Variants in ST6GALNAC2 observed in about 807,000 individuals in gnomAD.
ST6GALNAC2 encodes ST6 N-acetylgalactosaminide alpha-2,6-sialyltransferase 2.
ST6GALNAC2 carries 42 observed loss-of-function variants against 38.7 expected under a neutral mutation model. The observed-to-expected ratio is 1.09, with a 90% confidence interval of 0.85 to 1.40. The LOEUF (loss-of-function observed/expected upper bound fraction) is 1.40. Ranked by LOEUF, ST6GALNAC2 falls within the 40% of genes most tolerant of loss-of-function variation. The pLI is 0.00. For missense variants in ST6GALNAC2, 506 were observed against 481.7 expected, an observed-to-expected ratio of 1.05 and a Z score of -0.47; for synonymous variants, 233 against 209.0, an observed-to-expected ratio of 1.11 and a Z score of -0.99.
intron 6 of ST6GALNAC2, chr17:76,569,079 G>T (rs2075321720): frequency 2.8e-5 from 5 of 177,798 alleles, no homozygotes; most frequent in Non-Finnish European, 5.0e-5. Context: ...TAAACTGGGG[G>T]TGGTGGGGGG....
At position 76,585,394 on chromosome 17, in the gene ST6GALNAC2, G is replaced by C. The variant is rs566016928; in HGVS notation, c.125+290C>G. ...CAATAGAAAGTGTACTTATCAGGCCGGGGAGGACTTCACCAACAAGGGGCA... is the reference window on the plus strand; with the variant it reads ...CAATAGAAAGTGTACTTATCAGGCCCGGGAGGACTTCACCAACAAGGGGCA... On this transcript the variant is annotated intron_variant, in intron 1 of 8. Coordinates refer to ENST00000225276, the MANE Select transcript of ST6GALNAC2 (RefSeq NM_006456.3). Among the ~76,000 whole-genome samples the C allele has an allele frequency of 2.0e-5, 3 of 152,368 alleles. No homozygotes were observed. The East Asian group carries it at 5.8e-4, about 29-fold the overall frequency.
At chr17:76,584,594 C>G (rs2075521322) in intron 1 of ST6GALNAC2, among the ~76,000 whole-genome samples, 1 of 152,106 alleles carries the variant, frequency 6.6e-6, no homozygotes, top group African/African-American at 2.4e-5. Flanking sequence ...CTCCCACCTC[C>G]GCCTCCCAGA....
chr17:76,574,714 T>G (rs1163906999), intron 2 of ST6GALNAC2, among the ~76,000 whole-genome samples, 175 bp from the exon 3 acceptor site: 37 of 151,622 alleles, frequency 2.4e-4, no homozygotes, highest in Non-Finnish European at 4.4e-5. Context: ...TCTCGCTCTG[T>G]CGCCCAGGCT....
In ST6GALNAC2 at chr17:76,573,159, T is replaced by TACCACCCC; in HGVS notation, c.530+35_530+36insGGGGTGGT. The TACCACCCC allele has an allele frequency of 6.5e-7, 1 of 1,530,322 alleles. No individual in the cohort carries two copies. The highest frequency in any genetic ancestry group is 8.9e-7 in the Non-Finnish European group (1 of 1,120,830). 94.8% of individuals were successfully genotyped at this position (1,530,322 alleles called of 1,614,324 possible). ...GACACCCCCACCCTCCAGGCAACTC[T>TACCACCCC]CCCTCCCGCCCCTCCCCAGCTCCTA... On this transcript the variant is annotated intron_variant, in intron 4 of 8. Transcript: ENST00000225276. This position sits in a 1 kb window ranked among gnomAD's most constrained non-coding sequence, Gnocchi z 5.1.
At chr17:76,572,477 C>T (rs937447030) in intron 5 of ST6GALNAC2, among the ~76,000 whole-genome samples, 160 bp downstream of exon 5, 7 of 152,160 alleles carry the variant, frequency 4.6e-5, no homozygotes, top group African/African-American at 1.7e-4. Flanking sequence ...GGGACCAGAT[C>T]CCCCCTCACC....
Position 76,574,412 on chromosome 17 carries a change from A to C in ST6GALNAC2, c.314T>G (p.Leu105Arg). 1 of 1,613,842 alleles carries C rather than the reference A, an allele frequency of 6.2e-7. No homozygotes were observed. The highest frequency in any genetic ancestry group is 8.5e-7 in the Non-Finnish European group (1 of 1,179,934). ...DLFTPALWDR[L>R]SQHKAPYGWR... ...GCCATACGGGGCTTTGTGTTGGCTC[A>C]GGCGGTCCCAGAGCGCTGGGGTGAA... is the stretch of plus-strand genomic sequence containing the variant. The change falls in exon 3 of 9, where the codon CTG becomes CGG. Residue 105 changes from leucine to arginine, a missense_variant. Physicochemically the swap from Leu to Arg is moderately radical, Grantham distance 102. Transcript: ENST00000225276.
At position 76,573,208 on chromosome 17, in the gene ST6GALNAC2, C is replaced by A; in HGVS notation, c.517G>T (p.Asp173Tyr). ...TACCCCTCATACCTGAATACATAGT[C>A]ATGGGCATCGATGTTGGGACCCTGG... ...SRQGPNIDAHDYVFRLNGAVI... is the reference protein window; with the variant it reads ...SRQGPNIDAHYYVFRLNGAVI... Residue 173 changes from aspartate to tyrosine, a missense_variant, in exon 4 of 9, where the codon GAC (aspartate) becomes TAC (tyrosine). By Grantham distance (160) the Asp-to-Tyr change is radical. Transcript: ENST00000225276. The surrounding 1 kb of genome is among the most constrained non-coding windows in gnomAD (Gnocchi z 5.1). The A allele has an allele frequency of 6.2e-7, 1 of 1,610,930 alleles. No homozygotes were observed. Among genetic ancestry groups the A allele is most frequent in the Admixed American group, 1.7e-5 (1 of 59,834 alleles).
Position 76,573,159 on chromosome 17 carries a change from T to TGCCAACCC in ST6GALNAC2, c.530+35_530+36insGGGTTGGC. On this transcript the variant is annotated intron_variant, in intron 4 of 8. Transcript: ENST00000225276. The surrounding 1 kb of genome is among the most constrained non-coding windows in gnomAD (Gnocchi z 5.1). ...GACACCCCCACCCTCCAGGCAACTC[T>TGCCAACCC]CCCTCCCGCCCCTCCCCAGCTCCTA... 1.3e-6 allele frequency: 2 copies of TGCCAACCC among 1,530,320 alleles called. No homozygotes were observed. Among genetic ancestry groups the TGCCAACCC allele is most frequent in the Non-Finnish European group, 8.9e-7 (1 of 1,120,828 alleles). 94.8% of individuals were successfully genotyped at this position (1,530,320 alleles called of 1,614,324 possible).
At chr17:76,585,315 T>A (rs1366560921) in intron 1 of ST6GALNAC2, among the ~76,000 whole-genome samples, 7 of 151,940 alleles carry the variant, frequency 4.6e-5, no homozygotes, top group African/African-American at 1.7e-4. Flanking sequence ...CGAGGGAGAG[T>A]TCCCGACAAA....
At position 76,572,620 on chromosome 17, in the gene ST6GALNAC2, C is replaced by T. The variant is rs751228883; in HGVS notation, c.669+17G>A. The T allele has an allele frequency of 1.2e-6, 2 of 1,613,624 alleles. No individual in the cohort carries two copies. The highest frequency in any genetic ancestry group is 1.1e-5 in the South Asian group (1 of 91,084). On this transcript the variant is annotated intron_variant, in intron 5 of 8. Transcript: ENST00000225276. ...TGCCATTGTCAACCACAATGGCATGCCCGCCAGAGGCCTCACCTGTCCTTG... is the reference window on the plus strand; with the variant it reads ...TGCCATTGTCAACCACAATGGCATGTCCGCCAGAGGCCTCACCTGTCCTTG...
At chr17:76,578,528 C>T (rs1425637146) in intron 2 of ST6GALNAC2, among the ~76,000 whole-genome samples, 1 of 152,176 alleles carries the variant, frequency 6.6e-6, no homozygotes, top group Non-Finnish European at 1.5e-5. Context: ...CAGCTGGCTA[C>T]ACCCCATGAG....
chr17:76,567,624 A>G (rs60647948), intron 7 of ST6GALNAC2, 72 bp from the exon 8 acceptor site: 157,559 of 1,037,762 alleles, frequency 0.15, 13,172 homozygotes, highest in Middle Eastern at 0.18. Flanking sequence ...TACACATTCA[A>G]ATAGGTGGGA....
Position 76,585,837 on chromosome 17 carries a change from G to A in ST6GALNAC2, c.-29C>T, listed in dbSNP as rs751729309. The A allele has an allele frequency of 2.2e-5, 34 of 1,516,730 alleles. No homozygotes were observed. Among genetic ancestry groups the A allele is most frequent in the Non-Finnish European group, 3.0e-5 (34 of 1,135,176 alleles). 94.0% of individuals were successfully genotyped at this position (1,516,730 alleles called of 1,614,324 possible). A position where few individuals can be genotyped will look rare whatever the true frequency, so the allele number is the denominator to read the frequency against. The stretch of plus-strand genomic sequence containing the variant: ...GCCCCGGCCCGCGAGCGCCCCGTCC[G>A]CTGACGTCCCAGGCAGAAGGGAGAG... On this transcript the variant is annotated 5_prime_UTR_variant, in exon 1 of 9. Transcript: ENST00000225276.
rs757469107 is a variant in ST6GALNAC2, at chr17:76,566,115, A to G, written c.1114T>C (p.Tyr372His). 2.6e-5 allele frequency: 42 copies of G among 1,613,916 alleles called. No homozygotes were observed. The highest frequency in any genetic ancestry group is 3.3e-5 in the Non-Finnish European group (39 of 1,179,956). The change falls in exon 9 of 9, where the codon TAC (tyrosine) becomes CAC (histidine). Residue 372 changes from tyrosine (Y) to histidine (H), a missense_variant. Coordinates refer to ENST00000225276, the MANE Select transcript of ST6GALNAC2 (RefSeq NM_006456.3). ...DLHKAGILQLYQR is the reference protein window; with the variant it reads ...DLHKAGILQLHQR ...TCAGTGCATTGGGGTCAGCGCTGGT[A>G]CAGCTGAAGGATGCCGGCCTTGTGC...
chr17:76,574,325 TAAGGCAG>T, intron 3 of ST6GALNAC2, 33 bp downstream of exon 3: 1 of 1,592,032 alleles, frequency 6.3e-7, no homozygotes, highest in Non-Finnish European at 8.6e-7. Context: ...AGCAGGAAGC[TAAGGCAG>T]AAGGCAGGTG....
intron 2 of ST6GALNAC2, among the ~76,000 whole-genome samples, chr17:76,575,231 A>G (rs1875961929): frequency 6.6e-6 from 1 of 152,114 alleles, no homozygotes; most frequent in African/African-American, 2.4e-5. Context: ...CCCTAACCCT[A>G]CTGGTACTCG....
chr17:76,566,754 C>A (rs967246308), intron 8 of ST6GALNAC2, among the ~76,000 whole-genome samples: 6 of 151,486 alleles, frequency 4.0e-5, no homozygotes, highest in Non-Finnish European at 7.4e-5. Flanking sequence ...TCCCAGCTAC[C>A]CAGCTACTTG....
rs1598252284 is a variant in ST6GALNAC2, at chr17:76,573,436, T to C, written c.362-73A>G. The C allele has an allele frequency of 7.2e-7, 1 of 1,394,520 alleles. No individual in the cohort carries two copies. Among genetic ancestry groups the C allele is most frequent in the South Asian group, 1.5e-5 (1 of 65,044 alleles). 86.4% of individuals were successfully genotyped at this position (1,394,520 alleles called of 1,614,324 possible). A position where few individuals can be genotyped will look rare whatever the true frequency, so the allele number is the denominator to read the frequency against. On this transcript the variant is annotated intron_variant, in intron 3 of 8. Transcript: ENST00000225276. This position sits in a 1 kb window ranked among gnomAD's most constrained non-coding sequence, Gnocchi z 5.1. The stretch of plus-strand genomic sequence containing the variant: ...GCACCTGGGGCCTTCCCTAGGCTGG[T>C]TCTGGTGCCCCATCTCCCCTGAGGC...
At chr17:76,584,483 G>T (rs34900315) in intron 1 of ST6GALNAC2, among the ~76,000 whole-genome samples, 13,713 of 152,154 alleles carry the variant, frequency 0.09, 664 homozygotes, top group South Asian at 0.13. Context: ...AAGTGACAAG[G>T]ATTCCTTTTC....
Sources: gnomAD v4.1 joint callset for allele counts (sites outside exome capture counted in the v4.1 genomes callset) on GRCh38, gnomAD v4.1.1 for gene constraint, Gnocchi (gnomAD v3.1) non-coding constraint, MANE v1.5 for transcripts, NCBI Gene and HGNC (gene_info 2026-07-23, HGNC 2026-07-21) for gene names.